Variants in P2RY14 observed in about 807,000 individuals in gnomAD.
P2RY14 encodes the protein P2Y purinoceptor 14.
Under a neutral mutation model 0.9 loss-of-function variants are expected in P2RY14, and 2 were observed. The observed-to-expected ratio is 2.16, with a 90% CI of 0.88 to 6.79. The LOEUF is 6.79. Among genes scored for constraint, P2RY14 ranks in the 30% most tolerant of loss-of-function variants. P2RY14 has a pLI of 0.05. For synonymous variants in P2RY14, 158 were observed against 147.2 expected (o/e 1.07, Z -0.53); for missense variants, 378 against 400.1 (o/e 0.94, Z 0.47).
At chr3:151,215,977 C>G (rs1252523793) in intron 2 of P2RY14, among the ~76,000 whole-genome samples, 1 of 152,194 alleles carries the variant, frequency 6.6e-6, no homozygotes, top group Non-Finnish European at 1.5e-5. Flanking sequence ...AAGGCCTCAG[C>G]TTAGCTGTCA....
intron 1 of P2RY14, among the ~76,000 whole-genome samples, chr3:151,230,678 C>T (rs1454241077): frequency 6.6e-6 from 1 of 151,746 alleles, no homozygotes; most frequent in Non-Finnish European, 1.5e-5. Context: ...CTAAGGGCTA[C>T]TTCCCTTCAA....
At chr3:151,269,981 G>C (rs971991312) in intron 1 of P2RY14, 8 of 299,638 alleles carry the variant, frequency 2.7e-5, no homozygotes, top group Non-Finnish European at 5.1e-5. Context: ...GTACTACTTG[G>C]TTTTCAATAT....
At chr3:151,240,201 G>A (rs1212505619) in intron 1 of P2RY14, among the ~76,000 whole-genome samples, 1 of 151,952 alleles carries the variant, frequency 6.6e-6, no homozygotes, top group Non-Finnish European at 1.5e-5. Flanking sequence ...TAGTCAATGG[G>A]CCTGTGTCAA....
At chr3:151,252,007 T>G (rs1736942063) in intron 1 of P2RY14, among the ~76,000 whole-genome samples, 1 of 152,168 alleles carries the variant, frequency 6.6e-6, no homozygotes, top group Admixed American at 6.5e-5. Context: ...CTGTGTAATT[T>G]GTCTGAGTTC....
At chr3:151,223,472 A>T (rs1035549647) in intron 1 of P2RY14, among the ~76,000 whole-genome samples, 8 of 152,248 alleles carry the variant, frequency 5.3e-5, no homozygotes, top group African/African-American at 1.9e-4. Flanking sequence ...TGGATGAAGA[A>T]AATATGGTAC....
chr3:151,271,051 A>AT (rs924821557), intron 1 of P2RY14, among the ~76,000 whole-genome samples: 9 of 151,740 alleles, frequency 5.9e-5, no homozygotes, highest in South Asian at 4.2e-4. Flanking sequence ...TAAAACTTTC[A>AT]TTTTTTTTGT....
At chr3:151,261,891 A>AT (rs1035612129) in intron 1 of P2RY14, among the ~76,000 whole-genome samples, 6 of 151,672 alleles carry the variant, frequency 4.0e-5, no homozygotes, top group Admixed American at 6.6e-5. Flanking sequence ...TGCCTGGCTA[A>AT]TTTTTTTGTA....
chr3:151,275,746 A>C (rs1328404607), intron 1 of P2RY14, among the ~76,000 whole-genome samples: 2 of 152,200 alleles, frequency 1.3e-5, no homozygotes, highest in African/African-American at 4.8e-5. Context: ...TGGAGACCTG[A>C]TTCTCATGCT....
chr3:151,266,266 T>TC (rs1739818617), intron 1 of P2RY14, among the ~76,000 whole-genome samples: 1 of 152,224 alleles, frequency 6.6e-6, no homozygotes, highest in Non-Finnish European at 1.5e-5. Context: ...CAACATCTTC[T>TC]ATTAAAATGA....
chr3:151,243,641 G>A (rs1734726255), intron 1 of P2RY14, among the ~76,000 whole-genome samples: 1 of 151,714 alleles, frequency 6.6e-6, no homozygotes, highest in Non-Finnish European at 1.5e-5. Context: ...AGGAACAACT[G>A]GTACCAGCCG....
In P2RY14 at chr3:151,215,124, T is replaced by C. The variant is rs989119664; in HGVS notation, c.-24-784A>G. On this transcript the variant is annotated intron_variant, in intron 2 of 2. Coordinates refer to ENST00000309170, the MANE Select transcript of P2RY14 (RefSeq NM_014879.4). ...TTTTCAATATTGAGCTTTTTTTTTT[T>C]CCCATTGAAAAACTGATTTGCATTA... 4.6e-5 allele frequency among the ~76,000 whole-genome samples: 7 copies of C among 152,110 alleles called. No homozygotes were observed. The South Asian group carries it at 1.2e-3, about 27-fold the overall frequency.
chr3:151,217,553 C>G (rs941734787), intron 2 of P2RY14, among the ~76,000 whole-genome samples: 1 of 152,226 alleles, frequency 6.6e-6, no homozygotes, highest in Non-Finnish European at 1.5e-5. Context: ...TCCCCAAACA[C>G]TGCTATTTTG....
chr3:151,269,803 G>A, intron 1 of P2RY14: 2 of 421,026 alleles, frequency 4.8e-6, no homozygotes, highest in Non-Finnish European at 4.6e-6. Context: ...ATGCAAATCT[G>A]GAAAGGATAT....
In P2RY14 at chr3:151,213,149, T is replaced by C. The variant is rs1033873593; in HGVS notation, c.*151A>G. Reference sequence around the variant, plus strand: ...TTTTCTTTGATGTTACAAAAAAGCATGGAAACTTATATTTGAATTTTATTG... The same window carrying C: ...TTTTCTTTGATGTTACAAAAAAGCACGGAAACTTATATTTGAATTTTATTG... On this transcript the variant is annotated 3_prime_UTR_variant, in exon 3 of 3. Coordinates refer to ENST00000309170, the MANE Select transcript of P2RY14 (RefSeq NM_014879.4). 1 of 598,536 alleles carries C rather than the reference T, an allele frequency of 1.7e-6. No individual in the cohort carries two copies. The highest frequency in any genetic ancestry group is 2.8e-6 in the Non-Finnish European group (1 of 353,582). The allele number at this position is 598,536 out of a possible 1,614,324, so 37.1% of individuals were successfully genotyped here.
At chr3:151,260,785 A>G (rs575732575) in intron 1 of P2RY14, among the ~76,000 whole-genome samples, 52 of 152,312 alleles carry the variant, frequency 3.4e-4, no homozygotes, top group African/African-American at 1.2e-3. Context: ...GTATTCTTGT[A>G]AATAACTGTA....
In P2RY14 at chr3:151,213,606, G is replaced by C; in HGVS notation, c.711C>G (p.Ser237Arg). 1 of 1,614,140 alleles carries C rather than the reference G, an allele frequency of 6.2e-7. No individual in the cohort carries two copies. Among genetic ancestry groups the C allele is most frequent in the Non-Finnish European group, 8.5e-7 (1 of 1,180,022 alleles). The change falls in exon 3 of 3, where the codon AGC becomes AGG. Residue 237 changes from serine to arginine, a missense_variant. Transcript: ENST00000309170. ...AACAGACAAAAAACACAAACACGAT[G>C]CTGAATATGTTGCGGCTAGATTTCT... ...VKKKSSRNIF[S>R]IVFVFFVCFV...
intron 1 of P2RY14, among the ~76,000 whole-genome samples, chr3:151,260,129 A>G (rs897600008): frequency 5.3e-5 from 8 of 152,202 alleles, no homozygotes; most frequent in Admixed American, 1.3e-4. Context: ...GTAGCAGATC[A>G]TGAGTGTGTT....
At chr3:151,254,087 TG>T (rs1214017216) in intron 1 of P2RY14, among the ~76,000 whole-genome samples, 3 of 151,758 alleles carry the variant, frequency 2.0e-5, no homozygotes, top group East Asian at 3.9e-4. Flanking sequence ...AAACATATAA[TG>T]AAAAAAATAG....
chr3:151,253,831 A>G (rs1183798083), intron 1 of P2RY14, among the ~76,000 whole-genome samples: 2 of 152,070 alleles, frequency 1.3e-5, no homozygotes, highest in South Asian at 2.1e-4. Flanking sequence ...GCTGAGAGCA[A>G]TCCATGGACA....
Sources: allele counts gnomAD v4.1 joint callset (sites outside exome capture counted in the v4.1 genomes callset), GRCh38; gene constraint gnomAD v4.1.1; transcripts MANE v1.5; gene names NCBI Gene and HGNC (gene_info 2026-07-23, HGNC 2026-07-21).